Variants in STXBP5 observed in about 807,000 individuals in gnomAD.
STXBP5 encodes the protein syntaxin-binding protein 5.
STXBP5 carries 50 observed loss-of-function variants against 152.4 expected under a neutral mutation model. The ratio of observed to expected loss-of-function variants is 0.33; its 90% CI spans 0.26 to 0.42. STXBP5 has a LOEUF of 0.42. STXBP5 is among the 10% of genes least tolerant of loss of function. The pLI is 1.00. For synonymous variants in STXBP5, 492 were observed against 494.7 expected (o/e 0.99, Z 0.07); for missense variants, 1,167 against 1,388.6 (o/e 0.84, Z 2.54).
At chr6:147,251,628 AGAGCACTTG>A (rs1779101890) in intron 4 of STXBP5, among the ~76,000 whole-genome samples, 1 of 152,208 alleles carries the variant, frequency 6.6e-6, no homozygotes, top group South Asian at 2.1e-4. Flanking sequence ...TCCCTGCGAC[AGAGCACTTG>A]GAGAAAGGGG....
intron 7 of STXBP5, among the ~76,000 whole-genome samples, chr6:147,271,336 T>C (rs1780158878): frequency 6.6e-6 from 1 of 151,874 alleles, no homozygotes; most frequent in African/African-American, 2.4e-5. Context: ...GGTATCAGAG[T>C]GTTTCACCCA....
At chr6:147,310,270 A>T in intron 10 of STXBP5, 32 bp downstream of exon 10, 1 of 1,417,410 alleles carries the variant, frequency 7.1e-7, no homozygotes, top group Non-Finnish European at 9.2e-7. Context: ...CTCATTCTCT[A>T]TAGAGAGCTG....
At chr6:147,348,894 T>A (rs894902007) in intron 21 of STXBP5, among the ~76,000 whole-genome samples, 1 of 152,202 alleles carries the variant, frequency 6.6e-6, no homozygotes, top group Non-Finnish European at 1.5e-5. Flanking sequence ...GATTTCTTTA[T>A]ATAGTTGATC....
intron 3 of STXBP5, among the ~76,000 whole-genome samples, chr6:147,236,221 A>G (rs943878179): frequency 2.6e-5 from 4 of 152,166 alleles, no homozygotes; most frequent in African/African-American, 9.7e-5. Context: ...AATAATTTGC[A>G]GTTGTCTAGA....
chr6:147,361,160 G>A (rs1228700869), intron 23 of STXBP5, among the ~76,000 whole-genome samples: 1 of 152,022 alleles, frequency 6.6e-6, no homozygotes, highest in African/African-American at 2.4e-5. Context: ...GTTATCACTG[G>A]TAAGTAGGAT....
chr6:147,259,430 G>C (rs1221198614), intron 4 of STXBP5, among the ~76,000 whole-genome samples: 2 of 152,136 alleles, frequency 1.3e-5, no homozygotes, highest in African/African-American at 4.8e-5. Flanking sequence ...TCTTTAGAAA[G>C]AGACCATTAT....
intron 2 of STXBP5, among the ~76,000 whole-genome samples, chr6:147,206,290 T>C (rs1776553969): frequency 6.6e-6 from 1 of 152,226 alleles, no homozygotes; most frequent in African/African-American, 2.4e-5. Flanking sequence ...TATATCCAAA[T>C]AGAGGTCTAA....
intron 7 of STXBP5, among the ~76,000 whole-genome samples, chr6:147,271,179 A>G (rs1053605937): frequency 2.0e-5 from 3 of 152,178 alleles, no homozygotes; most frequent in Admixed American, 2.0e-4. Context: ...ATCATATTGG[A>G]TAAAAGAGCA....
In STXBP5 at chr6:147,261,751, T is replaced by G. The variant is rs552922706; in HGVS notation, c.567-539T>G. Among the ~76,000 whole-genome samples the G allele has an allele frequency of 3.4e-4, 52 of 152,110 alleles. No homozygotes were observed. The South Asian group carries it at 4.4e-3, about 13-fold the overall frequency. ...AGATGGCTCTCATGAAATGGAGTGA[T>G]CTGTCAAACTTGGGAGTTTCTGAAT... On this transcript the variant is annotated intron_variant, in intron 5 of 27. Transcript: ENST00000321680.
At chr6:147,326,968 C>T (rs1783291247) in intron 17 of STXBP5, among the ~76,000 whole-genome samples, 157 bp from the exon 18 acceptor site, 1 of 152,200 alleles carries the variant, frequency 6.6e-6, no homozygotes, top group Admixed American at 6.5e-5. Flanking sequence ...CGTGAGTAGG[C>T]ATATGTAACC....
chr6:147,346,537 G>A (rs1418653102), intron 21 of STXBP5, among the ~76,000 whole-genome samples: 5 of 152,022 alleles, frequency 3.3e-5, no homozygotes, highest in Non-Finnish European at 7.4e-5. Flanking sequence ...TCAAGAGTTC[G>A]AGACCAGCCT....
At chr6:147,226,275 C>T (rs1227991976) in intron 2 of STXBP5, among the ~76,000 whole-genome samples, 2 of 151,432 alleles carry the variant, frequency 1.3e-5, no homozygotes, top group South Asian at 4.2e-4. Context: ...TGCACTCTAC[C>T]CTGGGTGACA....
At chr6:147,374,323 A>G (rs919364126) in intron 26 of STXBP5, among the ~76,000 whole-genome samples, 5 of 152,208 alleles carry the variant, frequency 3.3e-5, no homozygotes, top group Non-Finnish European at 7.3e-5. Context: ...CTAATGAATC[A>G]GTGAATGCTT....
At chr6:147,215,132 T>A (rs1483239820) in intron 2 of STXBP5, among the ~76,000 whole-genome samples, 12 of 152,206 alleles carry the variant, frequency 7.9e-5, no homozygotes, top group Non-Finnish European at 1.5e-4. Context: ...CAATATCTAA[T>A]GAATAAGTGT....
intron 21 of STXBP5, among the ~76,000 whole-genome samples, chr6:147,350,246 A>C (rs1353712164): frequency 6.6e-6 from 1 of 152,112 alleles, no homozygotes; most frequent in Non-Finnish European, 1.5e-5. Context: ...CTAGAAAAAA[A>C]CTTTTATTCT....
At chr6:147,349,837 A>G (rs1185116967) in intron 21 of STXBP5, among the ~76,000 whole-genome samples, 1 of 152,216 alleles carries the variant, frequency 6.6e-6, no homozygotes, top group African/African-American at 2.4e-5. Context: ...TACTCATGGA[A>G]GGCCTTAACT....
At chr6:147,313,811 T>C (rs565778227) in intron 11 of STXBP5, 73 bp from the exon 12 acceptor site, 1 of 1,029,512 alleles carries the variant, frequency 9.7e-7, no homozygotes, top group Admixed American at 2.8e-5. Context: ...TTTTTTAAAG[T>C]TTTTATTTTT....
At chr6:147,348,016 T>A (rs1784416832) in intron 21 of STXBP5, among the ~76,000 whole-genome samples, 1 of 152,224 alleles carries the variant, frequency 6.6e-6, no homozygotes, top group Non-Finnish European at 1.5e-5. Context: ...TAAGAATGAA[T>A]TATTTTTACA....
At chr6:147,328,281 G>T (rs1400083955) in intron 18 of STXBP5, among the ~76,000 whole-genome samples, 1 of 152,140 alleles carries the variant, frequency 6.6e-6, no homozygotes, top group Non-Finnish European at 1.5e-5. Flanking sequence ...TTTCCCCAGG[G>T]CCTGTCCTGC....
Sources: allele counts gnomAD v4.1 joint callset (sites outside exome capture counted in the v4.1 genomes callset), GRCh38; gene constraint gnomAD v4.1.1; transcripts MANE v1.5; gene names NCBI Gene and HGNC (gene_info 2026-07-23, HGNC 2026-07-21).